The following CNTN5 variants were observed in gnomAD, a reference collection of about 807,000 sequenced individuals.
The protein encoded by CNTN5 is contactin 5.
Under a neutral mutation model 129.1 loss-of-function variants are expected in CNTN5, and 77 were observed. The ratio of observed to expected loss-of-function variants is 0.60; its 90% CI spans 0.50 to 0.72. The LOEUF (loss-of-function observed/expected upper bound fraction) is 0.72, where lower values mean the gene tolerates loss of function less well. Ranked by LOEUF, CNTN5 falls within the 30% of genes least tolerant of loss-of-function variation. The pLI is 0.00. For synonymous variants in CNTN5, 509 were observed against 465.6 expected (o/e 1.09, Z -1.20); for missense variants, 1,478 against 1,328.8 (o/e 1.11, Z -1.75).
intron 3 of CNTN5, among the ~76,000 whole-genome samples, chr11:99,771,005 A>T (rs1326975870): frequency 1.3e-5 from 2 of 152,128 alleles, no homozygotes; most frequent in African/African-American, 4.8e-5. Context: ...TTATGGTCAA[A>T]CTAATCTTTG....
At chr11:99,826,281 G>A (rs932090255) in intron 4 of CNTN5, among the ~76,000 whole-genome samples, 2 of 151,998 alleles carry the variant, frequency 1.3e-5, no homozygotes, top group Admixed American at 6.6e-5. Flanking sequence ...ACATTTTGAG[G>A]CATTACAGTT....
chr11:99,124,709 G>A (rs975793591), intron 1 of CNTN5, among the ~76,000 whole-genome samples: 10 of 151,584 alleles, frequency 6.6e-5, no homozygotes, highest in African/African-American at 2.4e-4. Flanking sequence ...ATAAGATAGA[G>A]TGCTAGCTAG....
rs191468166 is a variant in CNTN5 at position 99,776,123 on chromosome 11, A to T, written c.56-43421A>T. Among the ~76,000 whole-genome samples, 6 of 152,038 alleles carry T rather than the reference A, an allele frequency of 3.9e-5. No individual in the cohort carries two copies. In the East Asian group the frequency reaches 9.7e-4, roughly 24 times the overall value. ...TATTGAATACATGTTTATTGAGTAA[A>T]CACTCTGTGCTAGGCATTGCTAGCA... On this transcript the variant is annotated intron_variant, in intron 3 of 24. Coordinates refer to ENST00000524871, the MANE Select transcript of CNTN5 (RefSeq NM_014361.4).
intron 13 of CNTN5, among the ~76,000 whole-genome samples, chr11:100,103,501 T>G (rs1450935148): frequency 6.6e-6 from 1 of 152,156 alleles, no homozygotes; most frequent in East Asian, 1.9e-4. Flanking sequence ...TCCAAGTGTT[T>G]ATAGCTCCCT....
chr11:99,853,436 G>C (rs1380051358), intron 6 of CNTN5, among the ~76,000 whole-genome samples: 3 of 151,702 alleles, frequency 2.0e-5, no homozygotes, highest in Admixed American at 6.6e-5. Flanking sequence ...TTTTACTCTT[G>C]TTACCGAGGC....
intron 13 of CNTN5, among the ~76,000 whole-genome samples, chr11:100,172,753 A>C (rs1947861455): frequency 6.6e-6 from 1 of 152,076 alleles, no homozygotes; most frequent in Admixed American, 6.6e-5. Flanking sequence ...ATAGATGTAA[A>C]AAAGCAGCTG....
In CNTN5 at chr11:99,340,017, G is replaced by A. The variant is rs548444701; in HGVS notation, c.-71+14533G>A. Among the ~76,000 whole-genome samples, 7 of 152,212 alleles carry A rather than the reference G, an allele frequency of 4.6e-5. No individual in the cohort carries two copies. In the South Asian group the frequency reaches 1.0e-3, roughly 23 times the overall value. ...GGAGAGTTTTGAATTGAGCAATGTC[G>A]TGATTTAATTTACATTTTAAGCAAT... On this transcript the variant is annotated intron_variant, in intron 2 of 24. Coordinates refer to ENST00000524871, the MANE Select transcript of CNTN5 (RefSeq NM_014361.4).
intron 1 of CNTN5, among the ~76,000 whole-genome samples, chr11:99,146,049 A>G (rs1332017614): frequency 6.6e-6 from 1 of 152,156 alleles, no homozygotes; most frequent in Non-Finnish European, 1.5e-5. Flanking sequence ...TTACATATAA[A>G]CTTAATAGAT....
At chr11:99,053,834 C>T (rs1864523019) in intron 1 of CNTN5, among the ~76,000 whole-genome samples, 1 of 151,816 alleles carries the variant, frequency 6.6e-6, no homozygotes, top group Non-Finnish European at 1.5e-5. Context: ...TTTTTATTTG[C>T]CTTATCCAAG....
intron 3 of CNTN5, among the ~76,000 whole-genome samples, chr11:99,799,259 C>A (rs991550039): frequency 2.6e-4 from 39 of 151,664 alleles, no homozygotes; most frequent in Non-Finnish European, 3.8e-4. Flanking sequence ...TGCTTGATTA[C>A]TCTGGCTAGC....
chr11:99,639,044 T>C (rs1951669428), intron 3 of CNTN5, among the ~76,000 whole-genome samples: 3 of 152,232 alleles, frequency 2.0e-5, no homozygotes, highest in Admixed American at 6.5e-5. Flanking sequence ...CTTTTGCCTG[T>C]GCATCCAAGA....
At chr11:99,082,611 T>C (rs948141465) in intron 1 of CNTN5, among the ~76,000 whole-genome samples, 2 of 152,230 alleles carry the variant, frequency 1.3e-5, no homozygotes, top group Non-Finnish European at 2.9e-5. Context: ...CTTTAACTTA[T>C]ATTTCCCAAT....
chr11:99,975,689 A>C (rs931433268), intron 8 of CNTN5, among the ~76,000 whole-genome samples: 1 of 152,112 alleles, frequency 6.6e-6, no homozygotes, highest in African/African-American at 2.4e-5. Flanking sequence ...ATCAGATCTC[A>C]TGAGAACTCT....
At chr11:99,606,319 C>A (rs1950413241) in intron 3 of CNTN5, among the ~76,000 whole-genome samples, 2 of 130,560 alleles carry the variant, frequency 1.5e-5, no homozygotes, top group Non-Finnish European at 1.6e-5. Flanking sequence ...AAACAGAGAG[C>A]CAAATCATGG....
chr11:99,145,853 G>A (rs1859759149), intron 1 of CNTN5, among the ~76,000 whole-genome samples: 1 of 152,124 alleles, frequency 6.6e-6, no homozygotes, highest in Non-Finnish European at 1.5e-5. Flanking sequence ...AAGAAGGACA[G>A]TAATGTATTA....
At chr11:99,982,755 C>T (rs1022965971) in intron 8 of CNTN5, among the ~76,000 whole-genome samples, 2 of 152,106 alleles carry the variant, frequency 1.3e-5, no homozygotes, top group Non-Finnish European at 2.9e-5. Flanking sequence ...ATTCTCCTGC[C>T]TCTGCCTCCC....
chr11:99,163,315 A>T (rs1860707639), intron 1 of CNTN5, among the ~76,000 whole-genome samples: 1 of 152,102 alleles, frequency 6.6e-6, no homozygotes. Context: ...ACAAAACAAA[A>T]AGTTTTCTAA....
intron 2 of CNTN5, among the ~76,000 whole-genome samples, chr11:99,498,009 T>A (rs565661336): frequency 6.6e-6 from 1 of 152,142 alleles, no homozygotes; most frequent in African/African-American, 2.4e-5. Flanking sequence ...ATTTTCTACA[T>A]GTTAGCTACT....
chr11:99,292,005 T>G (rs1341402763), intron 1 of CNTN5, among the ~76,000 whole-genome samples: 1 of 152,088 alleles, frequency 6.6e-6, no homozygotes, highest in East Asian at 1.9e-4. Context: ...ACAAAGTTGA[T>G]GGTTAACTTC....
Sources: gnomAD v4.1 joint callset for allele counts (sites outside exome capture counted in the v4.1 genomes callset) on GRCh38, gnomAD v4.1.1 for gene constraint, MANE v1.5 for transcripts, NCBI Gene and HGNC (gene_info 2026-07-23, HGNC 2026-07-21) for gene names.